The following STAT4 variants were observed in gnomAD, a reference collection of about 807,000 sequenced individuals.
STAT4 encodes signal transducer and activator of transcription 4.
A neutral mutation model predicts 110.5 loss-of-function variants in STAT4; 42 were observed. The observed-to-expected ratio is 0.38, with a 90% confidence interval of 0.30 to 0.49. STAT4 has a LOEUF of 0.49. Among genes scored for constraint, STAT4 ranks in the 20% least tolerant of loss-of-function variants. The probability of loss-of-function intolerance (pLI) is 0.95; values close to 1 mark genes in which losing one functional copy is unlikely to be tolerated. For missense variants in STAT4, 632 were observed against 887.9 expected (o/e 0.71, Z 3.66); for synonymous variants, 284 against 302.2 (o/e 0.94, Z 0.63).
intron 14 of STAT4, among the ~76,000 whole-genome samples, chr2:191,052,582 T>A (rs1257723406): frequency 6.6e-6 from 1 of 152,226 alleles, no homozygotes; most frequent in Non-Finnish European, 1.5e-5. Flanking sequence ...CAAGTGAAGA[T>A]TTTCATTTTA....
chr2:191,034,632 G>A (rs1695995348), intron 17 of STAT4, 35 bp from the exon 18 acceptor site: 1 of 1,490,586 alleles, frequency 6.7e-7, no homozygotes. Flanking sequence ...TTTTTCACTG[G>A]ACAATGAGAT....
At position 191,057,980 on chromosome 2, in the gene STAT4, G is replaced by T. The variant is rs756134609; in HGVS notation, c.1206+38C>A. The T allele has an allele frequency of 5.9e-6, 9 of 1,518,598 alleles. No individual in the cohort carries two copies. The South Asian group carries it at 1.0e-4, about 17-fold the overall frequency. 94.1% of individuals were successfully genotyped at this position (1,518,598 alleles called of 1,614,324 possible). A position where few individuals can be genotyped will look rare whatever the true frequency, so the allele number is the denominator to read the frequency against. On this transcript the variant is annotated intron_variant, in intron 13 of 23. Coordinates refer to ENST00000392320, the MANE Select transcript of STAT4 (RefSeq NM_003151.4). ...TATTAGTAAAGATGTCTGATTTTGG[G>T]GAAAAAAAAGCCTGTTTAACTTTAC...
intron 3 of STAT4, among the ~76,000 whole-genome samples, chr2:191,084,314 G>A (rs906630539): frequency 4.0e-5 from 6 of 151,800 alleles, no homozygotes; most frequent in African/African-American, 7.3e-5. Flanking sequence ...CTGTCTATAA[G>A]CTTATGTTCT....
rs1030452138 is a variant in STAT4 at position 191,039,662 on chromosome 2, G to T, written c.1336-365C>A. ...AATCTTCTCTATAAGTTAAATAAAA[G>T]AATCTATTTTAAGTTTATCTCTGGA... On this transcript the variant is annotated intron_variant, in intron 15 of 23. Transcript: ENST00000392320. This position sits in a 1 kb window ranked among gnomAD's most constrained non-coding sequence, Gnocchi z 4.7. Among the ~76,000 whole-genome samples the T allele has an allele frequency of 6.6e-6, 1 of 152,142 alleles. No individual in the cohort carries two copies. The highest frequency in any genetic ancestry group is 2.4e-5 in the African/African-American group (1 of 41,422).
chr2:191,030,141 T>C lies in STAT4; in HGVS notation c.2221-275A>G, dbSNP rs1223965530. Among the ~76,000 whole-genome samples the C allele has an allele frequency of 6.6e-6, 1 of 152,318 alleles. No individual in the cohort carries two copies. The highest frequency in any genetic ancestry group is 2.1e-4 in the South Asian group (1 of 4,828). On this transcript the variant is annotated intron_variant, in intron 23 of 23. Coordinates refer to ENST00000392320, the MANE Select transcript of STAT4 (RefSeq NM_003151.4). This position sits in a 1 kb window ranked among gnomAD's most constrained non-coding sequence, Gnocchi z 4.4. ...GGAAATGGGTGCAAAATGTAGCAAA[T>C]GTTCAGTTAGACATAAATAACTTGA...
At chr2:191,034,811 G>A (rs1231383166) in intron 17 of STAT4, among the ~76,000 whole-genome samples, 1 of 152,100 alleles carries the variant, frequency 6.6e-6, no homozygotes, top group Non-Finnish European at 1.5e-5. Context: ...TTTGGTGGAG[G>A]AGCTAACAAT....
At chr2:191,149,531 A>T (rs565695262) in intron 1 of STAT4, among the ~76,000 whole-genome samples, 1 of 152,310 alleles carries the variant, frequency 6.6e-6, no homozygotes, top group African/African-American at 2.4e-5. Context: ...TGACATTGCT[A>T]TGAATATGGT....
rs1698404946 is a variant in STAT4 at position 191,110,891 on chromosome 2, C to A, written c.274-34566G>T. Among the ~76,000 whole-genome samples, 1 of 152,090 alleles carries A rather than the reference C, an allele frequency of 6.6e-6. No homozygotes were observed. The highest frequency in any genetic ancestry group is 2.4e-5 in the African/African-American group (1 of 41,418). ...CTCTGCCTCCTGGGTTCAAGCGATT[C>A]CCCTGCCTCAGCCTCCTGAGTTGCC... On this transcript the variant is annotated intron_variant, in intron 3 of 23. Coordinates refer to ENST00000392320, the MANE Select transcript of STAT4 (RefSeq NM_003151.4). This position sits in a 1 kb window ranked among gnomAD's most constrained non-coding sequence, Gnocchi z 4.5.
intron 3 of STAT4, among the ~76,000 whole-genome samples, chr2:191,128,039 C>A (rs2125407941): frequency 6.6e-6 from 1 of 152,290 alleles, no homozygotes; most frequent in South Asian, 2.1e-4. Context: ...TTGATGATCC[C>A]ATATTAGGCA....
In STAT4 at chr2:191,113,383, A is replaced by T. The variant is rs896598894; in HGVS notation, c.273+33230T>A. On this transcript the variant is annotated intron_variant, in intron 3 of 23. Transcript: ENST00000392320. The surrounding 1 kb of genome is among the most constrained non-coding windows in gnomAD (Gnocchi z 4.8). ...TTCCTTTGATCTTGAGAGCTCCAAC[A>T]GGGTTATAGTTCAGAGCTTGGGACA... is the stretch of plus-strand genomic sequence containing the variant. Among the ~76,000 whole-genome samples, 1 of 152,210 alleles carries T rather than the reference A, an allele frequency of 6.6e-6. No individual in the cohort carries two copies. The highest frequency in any genetic ancestry group is 1.5e-5 in the Non-Finnish European group (1 of 68,032).
chr2:191,071,590 G>C (rs746328602), intron 5 of STAT4, among the ~76,000 whole-genome samples: 9 of 152,184 alleles, frequency 5.9e-5, no homozygotes, highest in Non-Finnish European at 1.3e-4. Flanking sequence ...GGGGCTTCTA[G>C]AGTATATTGT....
In STAT4 at chr2:191,041,124, G is replaced by A; in HGVS notation, c.1276C>T (p.Leu426Phe). The A allele has an allele frequency of 6.7e-7, 1 of 1,486,006 alleles. No homozygotes were observed. The highest frequency in any genetic ancestry group is 1.5e-5 in the South Asian group (1 of 68,786). 92.1% of individuals were successfully genotyped at this position (1,486,006 alleles called of 1,614,324 possible). The change falls in exon 15 of 24, where the codon CTT becomes TTT. Residue 426 changes from leucine to phenylalanine, a missense_variant. Leu to Phe is a conservative substitution (Grantham distance 22). Coordinates refer to ENST00000392320, the MANE Select transcript of STAT4 (RefSeq NM_003151.4). Reference protein sequence around the residue: ...NEGCHMVTEELHSITFETQIC... With the variant: ...NEGCHMVTEEFHSITFETQIC... ...TGTGTTTCAAACGTTATGGAATGAA[G>A]TTCTTCAGTCACCATGTGACAGCCC...
chr2:191,136,562 G>T (rs1175877813), intron 3 of STAT4, among the ~76,000 whole-genome samples: 1 of 152,300 alleles, frequency 6.6e-6, no homozygotes, highest in East Asian at 1.9e-4. Context: ...GACCAGCCTG[G>T]TCAACACAGT....
At position 191,116,014 on chromosome 2, in the gene STAT4, T is replaced by C. The variant is rs943844974; in HGVS notation, c.273+30599A>G. On this transcript the variant is annotated intron_variant, in intron 3 of 23. Coordinates refer to ENST00000392320, the MANE Select transcript of STAT4 (RefSeq NM_003151.4). The surrounding 1 kb of genome is among the most constrained non-coding windows in gnomAD (Gnocchi z 4.1). Reference sequence around the variant, plus strand: ...CTGCAGGAGTAAGGTATTAGTCATATGGTACGTTTGGTTGAAATGAACATT... The same window carrying C: ...CTGCAGGAGTAAGGTATTAGTCATACGGTACGTTTGGTTGAAATGAACATT... 6.6e-6 allele frequency among the ~76,000 whole-genome samples: 1 copy of C among 152,192 alleles called. No homozygotes were observed. The highest frequency in any genetic ancestry group is 2.4e-5 in the African/African-American group (1 of 41,446).
At chr2:191,073,340 A>T (rs1038953117) in intron 4 of STAT4, 150 bp from the exon 5 acceptor site, 11 of 631,170 alleles carry the variant, frequency 1.7e-5, no homozygotes, top group Admixed American at 8.8e-5. Context: ...AAAAGTATTT[A>T]ATGACATAAA....
chr2:191,078,831 T>C (rs1697387280), intron 3 of STAT4, among the ~76,000 whole-genome samples: 1 of 152,144 alleles, frequency 6.6e-6, no homozygotes, highest in South Asian at 2.1e-4. Context: ...TAATAAATCA[T>C]TTATTAAACT....
chr2:191,119,202 G>A (rs564395516), intron 3 of STAT4, among the ~76,000 whole-genome samples: 10 of 152,236 alleles, frequency 6.6e-5, no homozygotes, highest in Admixed American at 2.6e-4. Flanking sequence ...ATTAATAAAC[G>A]TCCAATTAGT....
intron 3 of STAT4, among the ~76,000 whole-genome samples, chr2:191,101,857 T>C (rs532425887): frequency 1.2e-4 from 18 of 152,286 alleles, no homozygotes; most frequent in African/African-American, 2.6e-4. Flanking sequence ...CTCATAGTTA[T>C]GAGCATTAAC....
At chr2:191,149,251 C>A (rs1465393329) in intron 1 of STAT4, among the ~76,000 whole-genome samples, 2 of 152,100 alleles carry the variant, frequency 1.3e-5, no homozygotes, top group Admixed American at 1.3e-4. Flanking sequence ...CTATAGAACA[C>A]CAGGGTAATT....
Sources: allele counts gnomAD v4.1 joint callset (sites outside exome capture counted in the v4.1 genomes callset), GRCh38; gene constraint gnomAD v4.1.1; non-coding constraint Gnocchi (gnomAD v3.1); transcripts MANE v1.5; gene names NCBI Gene and HGNC (gene_info 2026-07-23, HGNC 2026-07-21).